The following ADAM7 variants were observed in gnomAD, a reference collection of about 807,000 sequenced individuals.
ADAM7 encodes the protein ADAM metallopeptidase domain 7.
Under a neutral mutation model 102.9 loss-of-function variants are expected in ADAM7, and 97 were observed. That is an observed-to-expected ratio of 0.94 (90% CI 0.80 to 1.12). The LOEUF (loss-of-function observed/expected upper bound fraction) is 1.12, where lower values mean the gene tolerates loss of function less well. Ranked by LOEUF, ADAM7 falls within the 50% of genes most tolerant of loss-of-function variation. ADAM7 has a pLI of 0.00. For synonymous variants in ADAM7, 334 were observed against 304.4 expected (o/e 1.10, Z -1.01); for missense variants, 991 against 908.7 (o/e 1.09, Z -1.16).
chr8:24,485,387 T>A (rs1424656233), intron 10 of ADAM7, 26 bp downstream of exon 10: 1 of 1,586,758 alleles, frequency 6.3e-7, no homozygotes, highest in Non-Finnish European at 8.6e-7. Context: ...TTTATATTAC[T>A]TAATAATGTT....
chr8:24,476,430 C>T lies in ADAM7; in HGVS notation c.634-3C>T, dbSNP rs1477982110. Reference sequence around the variant, plus strand: ...AATATTAATATGATATTTATATTTCCAGTATCGCAGAAATGGTCATCCTCA... The same window carrying T: ...AATATTAATATGATATTTATATTTCTAGTATCGCAGAAATGGTCATCCTCA... On this transcript the variant is annotated splice_region_variant and splice_polypyrimidine_tract_variant and intron_variant, in intron 7 of 21. Transcript: ENST00000175238. 3.1e-6 allele frequency: 5 copies of T among 1,591,402 alleles called. No homozygotes were observed. The East Asian group carries it at 1.1e-4, about 36-fold the overall frequency.
intron 8 of ADAM7, 95 bp downstream of exon 8, chr8:24,476,599 A>T (rs1425138916): frequency 2.3e-6 from 2 of 884,030 alleles, no homozygotes; most frequent in African/African-American, 3.3e-5. Flanking sequence ...GTTACCTGAT[A>T]TTAAGGGAGT....
At chr8:24,457,595 A>C (rs1484068246) in intron 3 of ADAM7, among the ~76,000 whole-genome samples, 2 of 152,162 alleles carry the variant, frequency 1.3e-5, no homozygotes, top group African/African-American at 4.8e-5. Context: ...CCTTAGTCAA[A>C]TATAGTTCTT....
At chr8:24,492,418 A>G (rs962824626) in intron 14 of ADAM7, 77 bp from the exon 15 acceptor site, 7 of 1,062,594 alleles carry the variant, frequency 6.6e-6, no homozygotes, top group East Asian at 2.4e-5. Flanking sequence ...GTTTAATTAC[A>G]TTAGAAAAAT....
chr8:24,460,601 A>G (rs1819203433), intron 3 of ADAM7, among the ~76,000 whole-genome samples: 1 of 152,048 alleles, frequency 6.6e-6, no homozygotes, highest in African/African-American at 2.4e-5. Context: ...TATATTTACA[A>G]TTAATCATTA....
intron 20 of ADAM7, among the ~76,000 whole-genome samples, chr8:24,501,847 A>C (rs570503165): frequency 6.6e-6 from 1 of 152,182 alleles, no homozygotes; most frequent in South Asian, 2.1e-4. Flanking sequence ...CTATTGGAAA[A>C]ATTTACAAGC....
At chr8:24,449,256 T>C (rs186565899) in intron 3 of ADAM7, among the ~76,000 whole-genome samples, 3,127 of 152,306 alleles carry the variant, frequency 0.021, 119 homozygotes, top group African/African-American at 0.072. Flanking sequence ...TGAACTAGTT[T>C]ACAGTCCCAC....
chr8:24,491,623 A>C (rs1178133891), intron 13 of ADAM7, among the ~76,000 whole-genome samples: 4 of 152,148 alleles, frequency 2.6e-5, no homozygotes, highest in African/African-American at 9.7e-5. Flanking sequence ...AAAAGACAAG[A>C]TAAATGAGAA....
intron 20 of ADAM7, chr8:24,506,273 C>T: frequency 2.4e-6 from 2 of 820,910 alleles, no homozygotes; most frequent in Admixed American, 2.6e-5. Flanking sequence ...ACATCGATAG[C>T]TCTCTGATCG....
chr8:24,495,444 C>A (rs375805668), intron 16 of ADAM7, among the ~76,000 whole-genome samples: 1 of 151,030 alleles, frequency 6.6e-6, no homozygotes, highest in South Asian at 2.1e-4. Flanking sequence ...CCAGAAAAGA[C>A]GTATAAAATA....
intron 10 of ADAM7, 82 bp downstream of exon 10, chr8:24,485,443 T>G: frequency 1.6e-6 from 2 of 1,274,268 alleles, no homozygotes; most frequent in Non-Finnish European, 2.2e-6. Context: ...AAAGAGACTA[T>G]GTATGCATTT....
chr8:24,508,628 T>TA lies in ADAM7; in HGVS notation c.*83dup. On this transcript the variant is annotated 3_prime_UTR_variant, in exon 22 of 22. Coordinates refer to ENST00000175238, the MANE Select transcript of ADAM7 (RefSeq NM_003817.4). ...CAACGTCTTTACAACCTTACCTAGA[T>TA]ATCTGCTACTCACATTTTTGGTAGT... The TA allele has an allele frequency of 6.2e-7, 1 of 1,604,686 alleles. No individual in the cohort carries two copies. The highest frequency in any genetic ancestry group is 1.7e-4 in the Middle Eastern group (1 of 6,018).
intron 7 of ADAM7, among the ~76,000 whole-genome samples, chr8:24,473,330 T>G (rs934317661): frequency 6.6e-6 from 1 of 152,124 alleles, no homozygotes; most frequent in Non-Finnish European, 1.5e-5. Flanking sequence ...CAGTAATCTA[T>G]TGTGTCCAAT....
chr8:24,501,589 C>T lies in ADAM7; in HGVS notation c.2208+13C>T, dbSNP rs1430618909. The T allele has an allele frequency of 6.4e-7, 1 of 1,554,220 alleles. No homozygotes were observed. The highest frequency in any genetic ancestry group is 8.7e-7 in the Non-Finnish European group (1 of 1,150,700). ...TCATTTCCTAAATGTAAGAAACTTC[C>T]ATTTGCAACAGTTAATTTATTGATT... On this transcript the variant is annotated intron_variant, in intron 20 of 21. Coordinates refer to ENST00000175238, the MANE Select transcript of ADAM7 (RefSeq NM_003817.4).
In ADAM7 at chr8:24,442,471, A is replaced by G. The variant is rs144431993; in HGVS notation, c.53-2A>G. 12 of 1,608,696 alleles carry G rather than the reference A, an allele frequency of 7.5e-6. No individual in the cohort carries two copies. Among genetic ancestry groups the G allele is most frequent in the African/African-American group, 4.0e-5 (3 of 74,802 alleles). ...ATTTTTTCCTCTTATGTTTCCTCGT[A>G]GAAAAGTTCATCCTTGGAGTAGAGG... On this transcript the variant is annotated splice_acceptor_variant, in intron 1 of 21. Transcript: ENST00000175238. LOFTEE classifies it high-confidence loss of function.
intron 20 of ADAM7, among the ~76,000 whole-genome samples, chr8:24,503,837 G>A (rs1210219960): frequency 5.3e-5 from 8 of 151,874 alleles, no homozygotes; most frequent in Admixed American, 1.3e-4. Flanking sequence ...GAGAACACAT[G>A]GACCCAGTGA....
intron 11 of ADAM7, among the ~76,000 whole-genome samples, chr8:24,488,070 T>C (rs561548639): frequency 2.0e-5 from 3 of 152,320 alleles, no homozygotes; most frequent in African/African-American, 7.2e-5. Flanking sequence ...ACTCCATTTG[T>C]TTTTTGTCTT....
chr8:24,467,230 A>G, intron 6 of ADAM7: 1 of 533,786 alleles, frequency 1.9e-6, no homozygotes, highest in Non-Finnish European at 3.3e-6. Context: ...GATTGATAAC[A>G]TTGGGGCTAT....
In ADAM7 at chr8:24,508,606, C is replaced by A; in HGVS notation, c.*60C>A. 1 of 1,612,770 alleles carries A rather than the reference C, an allele frequency of 6.2e-7. No homozygotes were observed. The highest frequency in any genetic ancestry group is 8.5e-7 in the Non-Finnish European group (1 of 1,179,274). On this transcript the variant is annotated 3_prime_UTR_variant, in exon 22 of 22. Transcript: ENST00000175238. ...CTTAGGCTGGGGATTCTGGATGCAA[C>A]GTCTTTACAACCTTACCTAGATATC... is the stretch of plus-strand genomic sequence containing the variant.
Sources: gnomAD v4.1 joint callset for allele counts (sites outside exome capture counted in the v4.1 genomes callset) on GRCh38, gnomAD v4.1.1 for gene constraint, MANE v1.5 for transcripts, NCBI Gene and HGNC (gene_info 2026-07-23, HGNC 2026-07-21) for gene names.